COBL: variants seen among roughly 807,000 people sequenced by gnomAD.
COBL encodes cordon-bleu WH2 repeat protein, also known as protein cordon-bleu.
COBL carries 51 observed loss-of-function variants against 98.8 expected under a neutral mutation model. The ratio of observed to expected loss-of-function variants is 0.52; its 90% confidence interval spans 0.41 to 0.65. The LOEUF (loss-of-function observed/expected upper bound fraction) is 0.65. Ranked by LOEUF, COBL falls within the 30% of genes least tolerant of loss-of-function variation. The probability of loss-of-function intolerance (pLI) is 0.00; values close to 1 mark genes in which losing one functional copy is unlikely to be tolerated. For missense variants in COBL, 1,617 were observed against 1,617.5 expected (o/e 1.00, Z 0.01); for synonymous variants, 634 against 651.7 (o/e 0.97, Z 0.41).
Position 51,142,537 on chromosome 7 carries a change from C to T in COBL, c.784-6206G>A, listed in dbSNP as rs145486583. Among the ~76,000 whole-genome samples, 89 of 152,062 alleles carry T rather than the reference C, an allele frequency of 5.9e-4. No individual in the cohort carries two copies. In the East Asian group the frequency reaches 0.017, roughly 29 times the overall value. ...TAACTGGGATTACAGGAGCGTGCCA[C>T]CACGCCCGGCTAATTTTTGTATTTT... is the stretch of plus-strand genomic sequence containing the variant. On this transcript the variant is annotated intron_variant, in intron 5 of 12. Coordinates refer to ENST00000265136, the MANE Select transcript of COBL (RefSeq NM_015198.5).
At chr7:51,102,415 TAA>T (rs987011356) in intron 6 of COBL, among the ~76,000 whole-genome samples, 5 of 152,268 alleles carry the variant, frequency 3.3e-5, no homozygotes, top group African/African-American at 1.2e-4. Context: ...AGTTCTAACT[TAA>T]AGAGGACAGA....
chr7:51,220,183 G>C (rs933228471), intron 1 of COBL, among the ~76,000 whole-genome samples: 1 of 152,306 alleles, frequency 6.6e-6, no homozygotes, highest in East Asian at 1.9e-4. Flanking sequence ...TTGCTGTCAG[G>C]GAGGTACACA....
rs190082031 is a variant in COBL, at chr7:51,103,722, C to T, written c.958-18418G>A. ...CAGATACCTGTACAACAATAAAACACATTACAATAATATTACAACTTTTGA... is the reference window on the plus strand; with the variant it reads ...CAGATACCTGTACAACAATAAAACATATTACAATAATATTACAACTTTTGA... On this transcript the variant is annotated intron_variant, in intron 6 of 12. Coordinates refer to ENST00000265136, the MANE Select transcript of COBL (RefSeq NM_015198.5). Among the ~76,000 whole-genome samples, 102 of 152,332 alleles carry T rather than the reference C, an allele frequency of 6.7e-4. 1 individual carries two copies. The Middle Eastern group carries it at 0.014, about 20-fold the overall frequency.
chr7:51,193,423 C>A lies in COBL; in HGVS notation c.412G>T (p.Val138Phe). ...NVHTVFLKEK[V>F]PEEKVKPGPP... ...CCAGGCTTAACCTTCTCTTCAGGAA[C>A]TTTTTCTTTCAGAAACACAGTATGC... The change falls in exon 3 of 13, where the codon GTT (valine) becomes TTT (phenylalanine). Residue 138 changes from valine to phenylalanine, a missense_variant. Transcript: ENST00000265136. 1 of 1,614,042 alleles carries A rather than the reference C, an allele frequency of 6.2e-7. No homozygotes were observed. Among genetic ancestry groups the A allele is most frequent in the East Asian group, 2.2e-5 (1 of 44,894 alleles).
At chr7:51,037,813 T>TA (rs1788787054) in intron 8 of COBL, among the ~76,000 whole-genome samples, 3 of 152,222 alleles carry the variant, frequency 2.0e-5, no homozygotes, top group Non-Finnish European at 1.5e-5. Context: ...GATGAAAACA[T>TA]ACGCTTTTCA....
chr7:51,017,887 G>A (rs556303245), intron 12 of COBL, among the ~76,000 whole-genome samples: 19 of 152,324 alleles, frequency 1.2e-4, no homozygotes, highest in African/African-American at 3.1e-4. Flanking sequence ...GTGTGGGTAC[G>A]CATCTGAGGC....
chr7:51,081,068 G>T (rs1793612253), intron 7 of COBL, among the ~76,000 whole-genome samples: 1 of 152,216 alleles, frequency 6.6e-6, no homozygotes, highest in South Asian at 2.1e-4. Flanking sequence ...AACATGTGGT[G>T]CGCTGGCAGC....
intron 1 of COBL, among the ~76,000 whole-genome samples, chr7:51,286,012 T>C (rs1207857086): frequency 6.6e-6 from 1 of 152,196 alleles, no homozygotes; most frequent in Non-Finnish European, 1.5e-5. Flanking sequence ...CAACAAATGG[T>C]ATTATAACAA....
At chr7:51,100,827 C>T (rs573473302) in intron 6 of COBL, among the ~76,000 whole-genome samples, 1 of 152,018 alleles carries the variant, frequency 6.6e-6, no homozygotes, top group Non-Finnish European at 1.5e-5. Context: ...CACTTGAACC[C>T]GGGCAGCAGA....
intron 5 of COBL, among the ~76,000 whole-genome samples, chr7:51,153,778 T>C (rs531229408): frequency 3.9e-5 from 6 of 152,308 alleles, no homozygotes; most frequent in South Asian, 4.1e-4. Flanking sequence ...GCCAGCTGAG[T>C]AGCACCTCTA....
intron 7 of COBL, among the ~76,000 whole-genome samples, chr7:51,081,085 C>T (rs908067857): frequency 6.0e-5 from 9 of 150,864 alleles, no homozygotes; most frequent in Admixed American, 1.3e-4. Context: ...CAGCCAGGAG[C>T]GCGGGGCAGG....
chr7:51,029,171 T>C lies in COBL; in HGVS notation c.1925A>G (p.Asn642Ser), dbSNP rs866524579. Residue 642 changes from asparagine to serine, a missense_variant, in exon 10 of 13, where the codon AAC becomes AGC. This residue lies in a region of COBL where 1,304 missense variants were observed against 1,282.0 expected (regional missense o/e 1.02). Coordinates refer to ENST00000265136, the MANE Select transcript of COBL (RefSeq NM_015198.5). ...TTTGTCTTTCACTTTTGCATTTAGGTTGTCTGTGTGAAGATTCGAAGCAAA... is the reference window on the plus strand; with the variant it reads ...TTTGTCTTTCACTTTTGCATTTAGGCTGTCTGTGTGAAGATTCGAAGCAAA... ...TSFASNLHTD[N>S]LNAKVKDKVY... is the part of the protein sequence containing the mutation. 1.9e-6 allele frequency: 3 copies of C among 1,614,150 alleles called. No individual in the cohort carries two copies. The Middle Eastern group carries it at 4.9e-4, about 266-fold the overall frequency.
intron 7 of COBL, chr7:51,071,926 CCTTT>C (rs1187245549): frequency 8.6e-5 from 13 of 150,666 alleles, no homozygotes; most frequent in Non-Finnish European, 2.9e-5. Context: ...AAAAAAAGGC[CCTTT>C]CTAACTTGTT....
intron 1 of COBL, among the ~76,000 whole-genome samples, chr7:51,236,388 G>A (rs1354098560): frequency 6.6e-6 from 1 of 152,190 alleles, no homozygotes; most frequent in Admixed American, 6.5e-5. Flanking sequence ...GCCTCACAGA[G>A]GACAGGACAG....
At chr7:51,228,556 G>C (rs1462798823) in intron 1 of COBL, among the ~76,000 whole-genome samples, 1 of 152,080 alleles carries the variant, frequency 6.6e-6, no homozygotes. Flanking sequence ...ACCTGGGGGT[G>C]GGGGAAGCTT....
chr7:51,221,884 C>G (rs1251172619), intron 1 of COBL, among the ~76,000 whole-genome samples: 24 of 152,278 alleles, frequency 1.6e-4, no homozygotes, highest in Non-Finnish European at 1.0e-4. Context: ...CGCACATTCA[C>G]GTCATTAAAA....
rs577585994 is a variant in COBL, at chr7:51,233,383, T to C, written c.42-13439A>G. On this transcript the variant is annotated intron_variant, in intron 1 of 12. Transcript: ENST00000265136. ...AACATATTAAGGATGGTGATTTGCC[T>C]TCACCAAGGCACCCAAAATGTTTGT... is the stretch of plus-strand genomic sequence containing the variant. Among the ~76,000 whole-genome samples the C allele has an allele frequency of 4.0e-5, 6 of 151,832 alleles. No individual in the cohort carries two copies. In the East Asian group the frequency reaches 9.7e-4, roughly 24 times the overall value.
chr7:51,228,523 C>T (rs1007945354), intron 1 of COBL, among the ~76,000 whole-genome samples: 3 of 151,990 alleles, frequency 2.0e-5, no homozygotes, highest in African/African-American at 4.8e-5. Context: ...AGAAATCCTA[C>T]ACAATAGAAT....
intron 1 of COBL, among the ~76,000 whole-genome samples, chr7:51,224,269 C>G (rs1348968707): frequency 2.0e-5 from 3 of 152,126 alleles, no homozygotes; most frequent in Non-Finnish European, 4.4e-5. Context: ...CTTAAAAATG[C>G]TTATTGATGA....
Sources: gnomAD v4.1 joint callset for allele counts (sites outside exome capture counted in the v4.1 genomes callset) on GRCh38, gnomAD v4.1.1 for gene constraint, gnomAD v4.1.1 regional missense constraint, MANE v1.5 for transcripts, NCBI Gene and HGNC (gene_info 2026-07-23, HGNC 2026-07-21) for gene names.